Variants in TELO2 observed in about 807,000 individuals in gnomAD.
TELO2 encodes telomere maintenance 2.
TELO2 carries 71 observed loss-of-function variants against 91.0 expected under a neutral mutation model. The ratio of observed to expected loss-of-function variants is 0.78; its 90% CI spans 0.64 to 0.95. The LOEUF (loss-of-function observed/expected upper bound fraction) is 0.95, where lower values mean the gene tolerates loss of function less well. Ranked by LOEUF, TELO2 falls within the 40% of genes least tolerant of loss-of-function variation. The pLI is 0.00. For missense variants in TELO2, 1,183 were observed against 1,141.3 expected, an observed-to-expected ratio of 1.04 and a Z score of -0.53; for synonymous variants, 584 against 518.9, an observed-to-expected ratio of 1.13 and a Z score of -1.71.
At position 1,501,411 on chromosome 16, in the gene TELO2, C is replaced by T. The variant is rs372682309; in HGVS notation, c.1282-9C>T. On this transcript the variant is annotated splice_polypyrimidine_tract_variant and intron_variant, in intron 9 of 20. Coordinates refer to ENST00000262319, the MANE Select transcript of TELO2 (RefSeq NM_016111.4). The stretch of plus-strand genomic sequence containing the variant: ...GGCGGATGCCGCTGAGCCTGCTCCC[C>T]TGCTGTAGTACGAAGAGGATGAACT... 2.4e-5 allele frequency: 39 copies of T among 1,612,078 alleles called. No homozygotes were observed. The African/African-American group carries it at 3.9e-4, about 16-fold the overall frequency.
chr16:1,494,177 C>T lies in TELO2; in HGVS notation c.-36-69C>T. ...GGGGTGTGGGGTCTCGGGGCGCTCA[C>T]CGAGGGGCTTCCTGAGCTTGTGTGG... is the stretch of plus-strand genomic sequence containing the variant. On this transcript the variant is annotated intron_variant, in intron 1 of 20. Transcript: ENST00000262319. The surrounding 1 kb of genome is among the most constrained non-coding windows in gnomAD (Gnocchi z 5.6). 1 of 1,156,012 alleles carries T rather than the reference C, an allele frequency of 8.7e-7. No individual in the cohort carries two copies. The highest frequency in any genetic ancestry group is 1.2e-6 in the Non-Finnish European group (1 of 817,714). 71.6% of individuals were successfully genotyped at this position (1,156,012 alleles called of 1,614,324 possible). A position where few individuals can be genotyped will look rare whatever the true frequency, so the allele number is the denominator to read the frequency against.
intron 9 of TELO2, 47 bp from the exon 10 acceptor site, chr16:1,501,373 G>A (rs2039669418): frequency 6.3e-7 from 1 of 1,583,972 alleles, no homozygotes; most frequent in African/African-American, 1.3e-5. Context: ...CTCGGGGAGG[G>A]GCGCTGCAGC....
At chr16:1,498,409 T>C (rs1379411837) in intron 5 of TELO2, among the ~76,000 whole-genome samples, 3 of 152,188 alleles carry the variant, frequency 2.0e-5, no homozygotes, top group Admixed American at 6.5e-5. Context: ...AATCACATTC[T>C]ATTTTATAGT....
At chr16:1,509,333 G>A (rs1237863805) in intron 20 of TELO2, among the ~76,000 whole-genome samples, 1 of 152,198 alleles carries the variant, frequency 6.6e-6, no homozygotes, top group Non-Finnish European at 1.5e-5. Flanking sequence ...GTGGCCAGCA[G>A]AGCCCCCCCA....
chr16:1,499,554 C>A (rs531804903), intron 6 of TELO2, among the ~76,000 whole-genome samples: 2 of 151,234 alleles, frequency 1.3e-5, no homozygotes, highest in Admixed American at 1.3e-4. Flanking sequence ...ATCTTCTAGA[C>A]TCCCGAGAAG....
rs1228588520 is a variant in TELO2, at chr16:1,507,607, GCGC to G, written c.2300_2302del (p.Arg767del). 5.0e-6 allele frequency: 8 copies of G among 1,589,202 alleles called. No individual in the cohort carries two copies. The highest frequency in any genetic ancestry group is 6.8e-6 in the Non-Finnish European group (8 of 1,175,058). ...CCCGCCTTCTTGCCGGCAGCTACGT[GCGC>G]CAGGGGCTGTTGTCGGCCGTCTCCT... is the stretch of plus-strand genomic sequence containing the variant. On this transcript the variant is annotated inframe_deletion, in exon 20 of 21. Coordinates refer to ENST00000262319, the MANE Select transcript of TELO2 (RefSeq NM_016111.4).
intron 17 of TELO2, chr16:1,506,551 TG>T (rs2039899540): frequency 7.0e-6 from 10 of 1,424,778 alleles, no homozygotes; most frequent in Non-Finnish European, 9.2e-6. Context: ...GCTCCGATGC[TG>T]GGCTTGTGGC....
chr16:1,495,600 AGGC>A lies in TELO2; in HGVS notation c.593_595del (p.Ala198del). The A allele has an allele frequency of 6.2e-7, 1 of 1,604,458 alleles. No homozygotes were observed. The highest frequency in any genetic ancestry group is 8.5e-7 in the Non-Finnish European group (1 of 1,174,428). ...GGCGAGGAGGTCGTCCGGGTGCTGCAGGCGGTTGTGGACTCTCTCCAAGGTGAG... is the reference window on the plus strand; with the variant it reads ...GGCGAGGAGGTCGTCCGGGTGCTGCAGGTTGTGGACTCTCTCCAAGGTGAG... On this transcript the variant is annotated inframe_deletion, in exon 3 of 21. Coordinates refer to ENST00000262319, the MANE Select transcript of TELO2 (RefSeq NM_016111.4).
At chr16:1,502,016 G>C in intron 11 of TELO2, 31 bp from the exon 12 acceptor site, 1 of 1,612,902 alleles carries the variant, frequency 6.2e-7, no homozygotes. Flanking sequence ...ACAGGCCATG[G>C]GCTGCTCATG....
In TELO2 at chr16:1,506,318, G is replaced by C; in HGVS notation, c.2115G>C (p.Gln705His). The C allele has an allele frequency of 6.2e-7, 1 of 1,614,114 alleles. No homozygotes were observed. Among genetic ancestry groups the C allele is most frequent in the Non-Finnish European group, 8.5e-7 (1 of 1,180,006 alleles). Residue 705 changes from glutamine to histidine, a missense_variant, in exon 17 of 21, where the codon CAG becomes CAC. Transcript: ENST00000262319. ...GCCACTTCTTCTTCCCCCTCCTTCA[G>C]CGCTTTGACAGGTGAGTGGGTTTTC... ...VAGHFFFPLL[Q>H]RFDRPLVTFD...
At chr16:1,503,695 C>G (rs1318763408) in intron 15 of TELO2, among the ~76,000 whole-genome samples, 2 of 152,074 alleles carry the variant, frequency 1.3e-5, no homozygotes, top group African/African-American at 4.8e-5. Flanking sequence ...ACGGGGCTGC[C>G]GGGGCTTGGG....
rs962234158 is a variant in TELO2, at chr16:1,501,386, G to A, written c.1282-34G>A. 3 of 1,602,544 alleles carry A rather than the reference G, an allele frequency of 1.9e-6. No individual in the cohort carries two copies. In the African/African-American group the frequency reaches 4.0e-5, roughly 21 times the overall value. On this transcript the variant is annotated intron_variant, in intron 9 of 20. Coordinates refer to ENST00000262319, the MANE Select transcript of TELO2 (RefSeq NM_016111.4). ...GTCTCGGGGAGGGGCGCTGCAGCCTGGCGGATGCCGCTGAGCCTGCTCCCC... is the reference window on the plus strand; with the variant it reads ...GTCTCGGGGAGGGGCGCTGCAGCCTAGCGGATGCCGCTGAGCCTGCTCCCC...
intron 13 of TELO2, 56 bp downstream of exon 13, chr16:1,502,460 C>A: frequency 6.5e-7 from 1 of 1,548,734 alleles, no homozygotes; most frequent in South Asian, 1.2e-5. Context: ...CCCTCAATGC[C>A]ATCTGTGTCC....
rs553661479 is a variant in TELO2 at position 1,505,061 on chromosome 16, C to T, written c.1843-349C>T. On this transcript the variant is annotated intron_variant, in intron 15 of 20. Transcript: ENST00000262319. This position sits in a 1 kb window ranked among gnomAD's most constrained non-coding sequence, Gnocchi z 4.3. ...TGCAATGTTCTGAGGTCCCCCCGCC[C>T]GTGGCACGTGCCGCTGCAGCGTTGC... 1.2e-3 allele frequency: 278 copies of T among 237,108 alleles called. No homozygotes were observed. Among genetic ancestry groups the T allele is most frequent in the Middle Eastern group, 7.6e-3 (5 of 654 alleles). The allele number at this position is 237,108 out of a possible 1,614,324, so 14.7% of individuals were successfully genotyped here. A position where few individuals can be genotyped will look rare whatever the true frequency, so the allele number is the denominator to read the frequency against.
chr16:1,507,160 T>G (rs1055720924), intron 18 of TELO2, 109 bp downstream of exon 18: 27 of 1,483,390 alleles, frequency 1.8e-5, no homozygotes, highest in Non-Finnish European at 2.4e-5. Flanking sequence ...GGGCTGCCTG[T>G]GTGGGCCCCC....
At position 1,494,977 on chromosome 16, in the gene TELO2, C is replaced by T. The variant is rs1222501218; in HGVS notation, c.335+361C>T. On this transcript the variant is annotated intron_variant, in intron 2 of 20. Coordinates refer to ENST00000262319, the MANE Select transcript of TELO2 (RefSeq NM_016111.4). This position sits in a 1 kb window ranked among gnomAD's most constrained non-coding sequence, Gnocchi z 5.6. ...GTCCCATGTGGACTCCCAGCCCCAG[C>T]CGGCTCCCAGGCTCAGCCTCAGATC... 1.3e-5 allele frequency among the ~76,000 whole-genome samples: 2 copies of T among 152,216 alleles called. No homozygotes were observed. Among genetic ancestry groups the T allele is most frequent in the Non-Finnish European group, 2.9e-5 (2 of 68,038 alleles).
intron 15 of TELO2, among the ~76,000 whole-genome samples, chr16:1,504,548 G>GTT (rs1567303554): frequency 8.2e-5 from 12 of 145,638 alleles, no homozygotes; most frequent in African/African-American, 2.8e-4. Context: ...CACCGTAACT[G>GTT]GTCTTTTTTT....
At position 1,497,103 on chromosome 16, in the gene TELO2, G is replaced by C. The variant is rs139365746; in HGVS notation, c.681G>C (p.Gln227His). 197 of 1,614,040 alleles carry C rather than the reference G, an allele frequency of 1.2e-4. 1 individual carries two copies. The East Asian group carries it at 3.5e-3, about 28-fold the overall frequency. The change falls in exon 4 of 21, where the codon CAG (glutamine) becomes CAC (histidine). Residue 227 changes from glutamine (Q) to histidine (H), a missense_variant and splice_region_variant. Coordinates refer to ENST00000262319, the MANE Select transcript of TELO2 (RefSeq NM_016111.4). This position sits in a 1 kb window ranked among gnomAD's most constrained non-coding sequence, Gnocchi z 4.0. ...GGAAAGCCTGTGTCCACGGGAGGCAGCGTGAGTAGAGCAGTGCCTTCCTGC... is the reference window on the plus strand; with the variant it reads ...GGAAAGCCTGTGTCCACGGGAGGCACCGTGAGTAGAGCAGTGCCTTCCTGC... Reference protein sequence around the residue: ...VLGKACVHGRQQEILGVLVPR... With the variant: ...VLGKACVHGRHQEILGVLVPR...
intron 17 of TELO2, 127 bp downstream of exon 17, chr16:1,506,456 C>CT (rs1322268390): frequency 3.2e-6 from 5 of 1,557,958 alleles, no homozygotes; most frequent in East Asian, 2.3e-5. Context: ...TTTGCTGTGG[C>CT]TTTTTGTAAG....
Sources: gnomAD v4.1 joint callset for allele counts (sites outside exome capture counted in the v4.1 genomes callset) on GRCh38, gnomAD v4.1.1 for gene constraint, Gnocchi (gnomAD v3.1) non-coding constraint, MANE v1.5 for transcripts, NCBI Gene and HGNC (gene_info 2026-07-23, HGNC 2026-07-21) for gene names.